Variants in SLC7A2 observed in about 807,000 individuals in gnomAD.
SLC7A2 encodes cationic amino acid transporter 2.
Under a neutral mutation model 58.9 loss-of-function variants are expected in SLC7A2, and 48 were observed. The ratio of observed to expected loss-of-function variants is 0.82; its 90% CI spans 0.65 to 1.04. The LOEUF is 1.04. SLC7A2 is among the 50% of genes least tolerant of loss of function. The pLI is 0.00. For synonymous variants in SLC7A2, 363 were observed against 314.5 expected (o/e 1.15, Z -1.63); for missense variants, 1,029 against 818.8 (o/e 1.26, Z -3.13).
chr8:17,540,886 C>T lies in SLC7A2; in HGVS notation c.-22-2432C>T, dbSNP rs573795403. ...TTGTTTTCCTTGCTTCCTTCCAGATCCTTTCTCTTTAAATATGCAATAGTC... is the reference window on the plus strand; with the variant it reads ...TTGTTTTCCTTGCTTCCTTCCAGATTCTTTCTCTTTAAATATGCAATAGTC... On this transcript the variant is annotated intron_variant, in intron 2 of 12. Transcript: ENST00000494857. Among the ~76,000 whole-genome samples the T allele has an allele frequency of 2.0e-5, 3 of 152,270 alleles. No homozygotes were observed. The South Asian group carries it at 6.2e-4, about 32-fold the overall frequency.
intron 2 of SLC7A2, among the ~76,000 whole-genome samples, chr8:17,521,336 C>T (rs559732159): frequency 5.3e-5 from 8 of 152,274 alleles, no homozygotes; most frequent in African/African-American, 1.7e-4. Context: ...GTTGGTTCTT[C>T]GGAATTGGTG....
rs532505008 is a variant in SLC7A2 at position 17,510,248 on chromosome 8, A to AATC, written c.-23+7948_-23+7949insCAT. On this transcript the variant is annotated intron_variant, in intron 2 of 12. Coordinates refer to ENST00000494857, the MANE Select transcript of SLC7A2 (RefSeq NM_001370338.1). ...ATAAACAAATAATAATAATAATAAT[A>AATC]ATAATAAAAGAGTGAGCTGGCCTTT... Among the ~76,000 whole-genome samples the AATC allele has an allele frequency of 7.0e-4, 106 of 151,804 alleles. 1 individual carries two copies. In the East Asian group the frequency reaches 0.019, roughly 27 times the overall value.
At chr8:17,530,617 G>A (rs1236200447) in intron 2 of SLC7A2, among the ~76,000 whole-genome samples, 1 of 150,062 alleles carries the variant, frequency 6.7e-6, no homozygotes, top group Non-Finnish European at 1.5e-5. Flanking sequence ...CTGACACCCA[G>A]CCTAGCATGC....
At chr8:17,555,028 G>A (rs1802627228) in intron 8 of SLC7A2, 2 of 1,613,914 alleles carry the variant, frequency 1.2e-6, no homozygotes, top group Non-Finnish European at 1.7e-6. Flanking sequence ...TCTTGCCAGA[G>A]TGAGTAAGAG....
At chr8:17,552,508 T>G (rs1405276493) in intron 7 of SLC7A2, among the ~76,000 whole-genome samples, 2 of 151,960 alleles carry the variant, frequency 1.3e-5, no homozygotes, top group African/African-American at 4.8e-5. Context: ...AGACTTTTTC[T>G]TCTTAGCACC....
At chr8:17,550,582 G>T in intron 6 of SLC7A2, 148 bp downstream of exon 6, 1 of 668,720 alleles carries the variant, frequency 1.5e-6, no homozygotes. Context: ...ACGTGCTGCT[G>T]ATGATAAAAA....
In SLC7A2 at chr8:17,563,628, C is replaced by T. The variant is rs760418176; in HGVS notation, c.1697C>T (p.Ala566Val). ...GTTCCATTCTTACCATTTTTGCCAGCGTTCAGCATCTTGGTGAACATTTAC... is the reference window on the plus strand; with the variant it reads ...GTTCCATTCTTACCATTTTTGCCAGTGTTCAGCATCTTGGTGAACATTTAC... ...FMVPFLPFLP[A>V]FSILVNIYLM... The change falls in exon 12 of 13, where the codon GCG becomes GTG. Residue 566 changes from alanine (A) to valine (V), a missense_variant. By Grantham distance (64) the Ala-to-Val change is moderately conservative (BLOSUM62 0). Transcript: ENST00000494857. 1.1e-5 allele frequency: 17 copies of T among 1,611,776 alleles called. No individual in the cohort carries two copies. Among genetic ancestry groups the T allele is most frequent in the Admixed American group, 5.0e-5 (3 of 59,836 alleles).
chr8:17,556,256 A>T (rs1315395840), intron 8 of SLC7A2, among the ~76,000 whole-genome samples: 2 of 151,914 alleles, frequency 1.3e-5, no homozygotes, highest in Admixed American at 1.3e-4. Flanking sequence ...ACAAAGAGTC[A>T]TACGTTTTAT....
rs2150738661 is a variant in SLC7A2, at chr8:17,543,410, G to A, written c.71G>A (p.Ser24Asn). 1 of 1,614,188 alleles carries A rather than the reference G, an allele frequency of 6.2e-7. No homozygotes were observed. ...LIRRKIVTLD[S>N]LEDTKLCRCL... is the part of the protein sequence containing the mutation. ...CGGAGAAAAATCGTGACCCTGGACA[G>A]TCTAGAAGACACCAAATTATGCCGC... is the stretch of plus-strand genomic sequence containing the variant. The change falls in exon 3 of 13, where the codon AGT (serine) becomes AAT (asparagine). Residue 24 changes from serine to asparagine, a missense_variant. Physicochemically the swap from Ser to Asn is conservative, Grantham distance 46. Transcript: ENST00000494857.
chr8:17,545,190 A>G (rs967712183), intron 4 of SLC7A2, among the ~76,000 whole-genome samples: 4 of 152,022 alleles, frequency 2.6e-5, no homozygotes, highest in East Asian at 3.9e-4. Context: ...CCACATTTCA[A>G]TCCTGCTGTG....
At chr8:17,495,201 C>A (rs960878611), upstream of SLC7A2, among the ~76,000 whole-genome samples, 6 of 152,278 alleles carry the variant, frequency 3.9e-5, no homozygotes, top group African/African-American at 1.4e-4. Context: ...CTCGCCTCCT[C>A]GAGTGCCAGG....
chr8:17,507,671 C>T (rs1287339214), intron 2 of SLC7A2, among the ~76,000 whole-genome samples: 1 of 151,964 alleles, frequency 6.6e-6, no homozygotes, highest in Non-Finnish European at 1.5e-5. Context: ...ACAATTATTA[C>T]ATGTCAGTGA....
intron 2 of SLC7A2, among the ~76,000 whole-genome samples, chr8:17,527,590 C>A (rs984347016): frequency 2.6e-5 from 4 of 152,174 alleles, no homozygotes; most frequent in African/African-American, 9.7e-5. Context: ...CTTCTGAAAC[C>A]TGCAGGGGAG....
chr8:17,501,642 C>G (rs546503512), intron 1 of SLC7A2, among the ~76,000 whole-genome samples: 61 of 152,154 alleles, frequency 4.0e-4, no homozygotes, highest in African/African-American at 1.4e-3. Context: ...AATCATGAAG[C>G]TGGAGCATTC....
At chr8:17,509,210 C>T (rs1441824500) in intron 2 of SLC7A2, among the ~76,000 whole-genome samples, 1 of 152,160 alleles carries the variant, frequency 6.6e-6, no homozygotes, top group African/African-American at 2.4e-5. Context: ...ACTATATAAT[C>T]TGAAATCTAA....
intron 1 of SLC7A2, among the ~76,000 whole-genome samples, chr8:17,499,632 G>C (rs1800077763): frequency 6.6e-6 from 1 of 150,814 alleles, no homozygotes; most frequent in Non-Finnish European, 1.5e-5. Flanking sequence ...GCTTTCAGTG[G>C]AATATATTTC....
chr8:17,538,439 G>A (rs1801765716), intron 2 of SLC7A2, among the ~76,000 whole-genome samples: 1 of 152,126 alleles, frequency 6.6e-6, no homozygotes, highest in Admixed American at 6.5e-5. Flanking sequence ...TGAATGCCAA[G>A]TTTTGTGGTT....
chr8:17,516,247 A>T (rs958382610), intron 2 of SLC7A2, among the ~76,000 whole-genome samples: 1 of 149,306 alleles, frequency 6.7e-6, no homozygotes, highest in Non-Finnish European at 1.5e-5. Flanking sequence ...TTTTTTTGAG[A>T]TGGAATCTCG....
At chr8:17,503,731 G>A (rs1207613103) in intron 2 of SLC7A2, among the ~76,000 whole-genome samples, 2 of 152,212 alleles carry the variant, frequency 1.3e-5, no homozygotes, top group African/African-American at 4.8e-5. Flanking sequence ...TGTGGGAAAA[G>A]CCTGAGCTCA....
Sources: allele counts gnomAD v4.1 joint callset (sites outside exome capture counted in the v4.1 genomes callset), GRCh38; gene constraint gnomAD v4.1.1; transcripts MANE v1.5; gene names NCBI Gene and HGNC (gene_info 2026-07-23, HGNC 2026-07-21).